The following WDR77 variants were observed in gnomAD, a reference collection of about 807,000 sequenced individuals.
WDR77 encodes the protein WD repeat domain 77.
WDR77 carries 31 observed loss-of-function variants against 44.0 expected under a neutral mutation model. That is an observed-to-expected ratio of 0.70 (90% CI 0.53 to 0.95). The LOEUF (loss-of-function observed/expected upper bound fraction) is 0.95. Ranked by LOEUF, WDR77 falls within the 40% of genes least tolerant of loss-of-function variation. The pLI, the probability that WDR77 is intolerant of heterozygous loss-of-function variation, is 0.00. For missense variants in WDR77, 390 were observed against 423.9 expected (o/e 0.92, Z 0.70); for synonymous variants, 186 against 165.7 (o/e 1.12, Z -0.94).
In WDR77 at chr1:111,443,332, A is replaced by T; in HGVS notation, c.682T>A (p.Phe228Ile). 6.4e-7 allele frequency: 1 copy of T among 1,551,806 alleles called. No individual in the cohort carries two copies. Residue 228 changes from phenylalanine (F) to isoleucine (I), a missense_variant, in exon 7 of 10, where the codon TTT (phenylalanine) becomes ATT (isoleucine). Coordinates refer to ENST00000235090, the MANE Select transcript of WDR77 (RefSeq NM_024102.4). ...LAWHPQQSEV[F>I]VFGDENGTVS... ...TGACACGCTGCCTTACCAAAGACAA[A>T]GACTTCACTTTGCTGAGGATGCCAA...
intron 5 of WDR77, 31 bp downstream of exon 5, chr1:111,444,023 T>C: frequency 6.2e-7 from 1 of 1,613,328 alleles, no homozygotes; most frequent in Non-Finnish European, 8.5e-7. Flanking sequence ...ATGGCTGGAG[T>C]GTGTTTAGGG....
chr1:111,441,874 A>G (rs1287170040), intron 9 of WDR77, 151 bp downstream of exon 9: 3 of 782,298 alleles, frequency 3.8e-6, no homozygotes, highest in Non-Finnish European at 6.3e-6. Flanking sequence ...GACAGGGTCA[A>G]CAGCCAGCCT....
At chr1:111,442,261 A>G (rs1238202904) in intron 8 of WDR77, 168 bp from the exon 9 acceptor site, 2 of 652,108 alleles carry the variant, frequency 3.1e-6, no homozygotes, top group Non-Finnish European at 5.4e-6. Flanking sequence ...TCAAGTAAAG[A>G]TGAGGGAAAT....
chr1:111,447,431 CCA>C lies in WDR77; in HGVS notation c.443+2_443+3del. On this transcript the variant is annotated splice_donor_variant and splice_donor_region_variant and intron_variant, in intron 3 of 9. Coordinates refer to ENST00000235090, the MANE Select transcript of WDR77 (RefSeq NM_024102.4). LOFTEE classifies it high-confidence loss of function. Reference sequence around the variant, plus strand: ...AGACAGGAGCAATGAGAACAGGGACCCACCAGATGTCTTTGCTACCACTGACA... The same window carrying C: ...AGACAGGAGCAATGAGAACAGGGACCCCAGATGTCTTTGCTACCACTGACA... 6.2e-7 allele frequency: 1 copy of C among 1,614,052 alleles called. No homozygotes were observed.
chr1:111,442,703 G>T lies in WDR77; in HGVS notation c.750C>A (p.Ser250Arg). 1 of 1,601,668 alleles carries T rather than the reference G, an allele frequency of 6.2e-7. No homozygotes were observed. ...VDTKSTSCVLSSAVHSQCVTG... is the reference protein window; with the variant it reads ...VDTKSTSCVLRSAVHSQCVTG... The stretch of plus-strand genomic sequence containing the variant: ...TGACACACTGGGAGTGTACAGCTGA[G>T]CTCAGGACACAGCTTGTACTCTTGG... Residue 250 changes from serine (S) to arginine (R), a missense_variant, in exon 8 of 10, where the codon AGC becomes AGA. Ser to Arg is a moderately radical substitution (Grantham distance 110). Transcript: ENST00000235090.
intron 4 of WDR77, among the ~76,000 whole-genome samples, chr1:111,446,002 T>C (rs909952476): frequency 6.6e-6 from 1 of 152,170 alleles, no homozygotes; most frequent in African/African-American, 2.4e-5. Flanking sequence ...ACTCCTAGAC[T>C]TCATATGATC....
At chr1:111,447,167 C>T (rs1188512909) in intron 3 of WDR77, 23 bp from the exon 4 acceptor site, 2 of 1,613,864 alleles carry the variant, frequency 1.2e-6, no homozygotes, top group Non-Finnish European at 8.5e-7. Context: ...AGCAAACAGA[C>T]ATTTAATCTT....
At position 111,443,227 on chromosome 1, in the gene WDR77, C is replaced by T. The variant is rs375280588; in HGVS notation, c.691+96G>A. 4.8e-6 allele frequency: 6 copies of T among 1,258,226 alleles called. No homozygotes were observed. In the East Asian group the frequency reaches 7.7e-5, roughly 16 times the overall value. 77.9% of individuals were successfully genotyped at this position (1,258,226 alleles called of 1,614,324 possible). On this transcript the variant is annotated intron_variant, in intron 7 of 9. Transcript: ENST00000235090. ...CATCTAGTGTCCATGAGGGCTAAGA[C>T]TGAGCAACAAGGGCCTTGTGTGTTG...
At chr1:111,443,763 A>G in intron 6 of WDR77, 104 bp downstream of exon 6, 2 of 1,576,122 alleles carry the variant, frequency 1.3e-6, no homozygotes, top group Middle Eastern at 1.7e-4. Flanking sequence ...ATGTCACAGT[A>G]ACTACACTGG....
intron 4 of WDR77, 35 bp downstream of exon 4, chr1:111,447,060 G>A: frequency 1.2e-6 from 2 of 1,612,054 alleles, no homozygotes; most frequent in Non-Finnish European, 8.5e-7. Context: ...AAACACAACA[G>A]CTAACACCAG....
intron 1 of WDR77, 62 bp downstream of exon 1, chr1:111,448,993 C>A: frequency 6.5e-7 from 1 of 1,542,202 alleles, no homozygotes; most frequent in Non-Finnish European, 8.7e-7. Flanking sequence ...GAGGGTCAGT[C>A]TCCGGGGAGG....
In WDR77 at chr1:111,441,287, G is replaced by T. The variant is rs1431028003; in HGVS notation, c.972C>A (p.His324Gln). ...TTVGWDHQVVHHVVPTEPLPA... is the reference protein window; with the variant it reads ...TTVGWDHQVVQHVVPTEPLPA... Reference sequence around the variant, plus strand: ...GGAGAGGTTCTGTGGGCACAACGTGGTGGACGACCTGATGGTCCCAGCCCA... The same window carrying T: ...GGAGAGGTTCTGTGGGCACAACGTGTTGGACGACCTGATGGTCCCAGCCCA... Residue 324 changes from histidine (H) to glutamine (Q), a missense_variant, in exon 10 of 10, where the codon CAC becomes CAA. By Grantham distance (24) the His-to-Gln change is conservative. Coordinates refer to ENST00000235090, the MANE Select transcript of WDR77 (RefSeq NM_024102.4). The T allele has an allele frequency of 1.3e-6, 2 of 1,588,574 alleles. No individual in the cohort carries two copies.
chr1:111,447,374 CAGGAT>C (rs1181764255), intron 3 of WDR77, 56 bp downstream of exon 3: 1 of 1,605,928 alleles, frequency 6.2e-7, no homozygotes, highest in Non-Finnish European at 8.5e-7. Context: ...ATGAGGTTAA[CAGGAT>C]AGGAAAGGCA....
At chr1:111,449,016 C>T (rs373987783) in intron 1 of WDR77, 39 bp downstream of exon 1, 2 of 1,551,604 alleles carry the variant, frequency 1.3e-6, no homozygotes, top group Non-Finnish European at 1.7e-6. Context: ...CGCCCTGGGC[C>T]GGGGTAAGGG....
Position 111,441,933 on chromosome 1 carries a change from A to G in WDR77, c.869+92T>C, listed in dbSNP as rs1652833068. On this transcript the variant is annotated intron_variant, in intron 9 of 9. Coordinates refer to ENST00000235090, the MANE Select transcript of WDR77 (RefSeq NM_024102.4). ...GATACAGATGGAGAATCTGTTCTCC[A>G]AAAGCACAACACAGTTTTCTGAAGA... The G allele has an allele frequency of 3.9e-6, 5 of 1,268,322 alleles. No individual in the cohort carries two copies. In the Admixed American group the frequency reaches 9.2e-5, roughly 23 times the overall value. 78.6% of individuals were successfully genotyped at this position (1,268,322 alleles called of 1,614,324 possible).
At chr1:111,441,484 G>A in intron 9 of WDR77, 95 bp from the exon 10 acceptor site, 1 of 1,391,170 alleles carries the variant, frequency 7.2e-7, no homozygotes, top group Non-Finnish European at 9.4e-7. Context: ...CACATTTTTT[G>A]GGTGTGTTAC....
chr1:111,448,198 A>T (rs67280540), intron 2 of WDR77, among the ~76,000 whole-genome samples: 45,365 of 150,782 alleles, frequency 0.3, 6,994 homozygotes, highest in South Asian at 0.4. Context: ...AAAAAAAAAA[A>T]GCCAAAGCCT....
rs1355772908 is a variant in WDR77 at position 111,449,197 on chromosome 1, T to C, written c.-28A>G. ...CCACGGTTCCAACTCCAACCTAGAC[T>C]CAAACTGGACGCCGGCCGGAGACTC... On this transcript the variant is annotated 5_prime_UTR_variant, in exon 1 of 10. Coordinates refer to ENST00000235090, the MANE Select transcript of WDR77 (RefSeq NM_024102.4). 6.4e-7 allele frequency: 1 copy of C among 1,551,332 alleles called. No homozygotes were observed. Among genetic ancestry groups the C allele is most frequent in the Admixed American group, 1.9e-5 (1 of 53,026 alleles).
In WDR77 at chr1:111,448,667, C is replaced by T; in HGVS notation, c.253G>A (p.Asp85Asn). The T allele has an allele frequency of 6.2e-7, 1 of 1,614,138 alleles. No individual in the cohort carries two copies. The highest frequency in any genetic ancestry group is 8.5e-7 in the Non-Finnish European group (1 of 1,180,022). Residue 85 changes from aspartate to asparagine, a missense_variant, in exon 2 of 10, where the codon GAC becomes AAC. By Grantham distance (23) the Asp-to-Asn change is conservative (BLOSUM62 1). Coordinates refer to ENST00000235090, the MANE Select transcript of WDR77 (RefSeq NM_024102.4). ...CCTCTCTCCCCAACCCAAGTGAGGT[C>T]AGCCACTCCAGCCTCCGTTTGGACT... is the stretch of plus-strand genomic sequence containing the variant. ...AGVQTEAGVA[D>N]LTWVGERGIL...
Sources: allele counts gnomAD v4.1 joint callset (sites outside exome capture counted in the v4.1 genomes callset), GRCh38; gene constraint gnomAD v4.1.1; transcripts MANE v1.5; gene names NCBI Gene and HGNC (gene_info 2026-07-23, HGNC 2026-07-21).